MPDZ: variants seen among roughly 807,000 people sequenced by gnomAD.
The protein encoded by MPDZ is multiple PDZ domain crumbs cell polarity complex component.
In MPDZ, 234 loss-of-function variants were observed where a neutral mutation model predicts 239.1. The ratio of observed to expected loss-of-function variants is 0.98; its 90% CI spans 0.88 to 1.09. The LOEUF is 1.09. Ranked by LOEUF, MPDZ falls within the 50% of genes least tolerant of loss-of-function variation. MPDZ has a pLI of 0.00. For synonymous variants in MPDZ, 1,048 were observed against 881.3 expected, an observed-to-expected ratio of 1.19 and a Z score of -3.35; for missense variants, 3,175 against 2,510.0, an observed-to-expected ratio of 1.26 and a Z score of -5.66.
intron 32 of MPDZ, among the ~76,000 whole-genome samples, chr9:13,130,604 G>C (rs546905269): frequency 2.0e-5 from 3 of 152,304 alleles, no homozygotes; most frequent in South Asian, 2.1e-4. Context: ...ACATGGTTAA[G>C]TGACAAATAA....
chr9:13,111,875 C>T, intron 43 of MPDZ, 149 bp downstream of exon 43: 1 of 628,370 alleles, frequency 1.6e-6, no homozygotes, highest in African/African-American at 1.9e-5. Flanking sequence ...TCTTTTATTC[C>T]AAGCAAGCCT....
At position 13,126,559 on chromosome 9, in the gene MPDZ, A is replaced by C. The variant is rs1945147275; in HGVS notation, c.4589T>G (p.Leu1530Arg). 4 of 1,588,298 alleles carry C rather than the reference A, an allele frequency of 2.5e-6. No individual in the cohort carries two copies. Among genetic ancestry groups the C allele is most frequent in the Non-Finnish European group, 2.6e-6 (3 of 1,166,042 alleles). Residue 1530 changes from leucine (L) to arginine (R), a missense_variant, in exon 34 of 47, where the codon CTG (leucine) becomes CGG (arginine). Coordinates refer to ENST00000319217, the MANE Select transcript of MPDZ (RefSeq NM_001378778.1). ...AACAACAATTTCATCATCTACAGCC[A>C]GTATCTGATCTCCGACTTTGAGTCG... is the stretch of plus-strand genomic sequence containing the variant. ...DGRLKVGDQI[L>R]AVDDEIVVGY... is the part of the protein sequence containing the mutation.
chr9:13,248,224 T>C (rs376280163), intron 2 of MPDZ, among the ~76,000 whole-genome samples: 11 of 141,400 alleles, frequency 7.8e-5, no homozygotes, highest in East Asian at 4.2e-4. Flanking sequence ...TGAGACTCCA[T>C]CTCAAAAAAA....
chr9:13,193,836 A>T (rs912189901), intron 13 of MPDZ, among the ~76,000 whole-genome samples: 9 of 152,206 alleles, frequency 5.9e-5, no homozygotes, highest in Non-Finnish European at 1.5e-5. Flanking sequence ...AATCCAATAA[A>T]TAAAATATTA....
intron 1 of MPDZ, among the ~76,000 whole-genome samples, chr9:13,257,881 A>G (rs939252294): frequency 2.0e-5 from 3 of 152,168 alleles, no homozygotes; most frequent in African/African-American, 7.2e-5. Context: ...TGAAATTCAA[A>G]CTTAACTTGG....
At chr9:13,227,493 C>G (rs1587952770) in intron 3 of MPDZ, among the ~76,000 whole-genome samples, 1 of 151,878 alleles carries the variant, frequency 6.6e-6, no homozygotes, top group East Asian at 1.9e-4. Context: ...ATCCCACACA[C>G]CAAGACCTAA....
rs531655843 is a variant in MPDZ, at chr9:13,153,458, T to C, written c.3453-2770A>G. ...CTATTTTTGTTTGTTTTTGTTTTTG[T>C]TTTGAGACAGGGTCTCATTCTGCAG... On this transcript the variant is annotated intron_variant, in intron 24 of 46. Coordinates refer to ENST00000319217, the MANE Select transcript of MPDZ (RefSeq NM_001378778.1). 6.6e-5 allele frequency among the ~76,000 whole-genome samples: 10 copies of C among 152,268 alleles called. No homozygotes were observed. The South Asian group carries it at 2.1e-3, about 32-fold the overall frequency.
chr9:13,133,835 C>A lies in MPDZ; in HGVS notation c.4453G>T (p.Glu1485Ter). 6.2e-7 allele frequency: 1 copy of A among 1,600,952 alleles called. No homozygotes were observed. Among genetic ancestry groups the A allele is most frequent in the Non-Finnish European group, 8.5e-7 (1 of 1,170,366 alleles). ...CAAAGCAGATTTACCTTGGGAAGCTCCAGATGTTGCACATTTTTAAATGAA... is the reference window on the plus strand; with the variant it reads ...CAAAGCAGATTTACCTTGGGAAGCTACAGATGTTGCACATTTTTAAATGAA... ...LSSFKNVQHL[E>*]LPKDQGGLGI... Residue 1485 changes from glutamate (E) to a stop codon, truncating the protein, a stop_gained, in exon 32 of 47, where the codon GAG (glutamate) becomes TAG (stop). Transcript: ENST00000319217. LOFTEE classifies it high-confidence loss of function.
chr9:13,163,905 C>T (rs915120986), intron 22 of MPDZ, among the ~76,000 whole-genome samples: 1 of 152,160 alleles, frequency 6.6e-6, no homozygotes, highest in Non-Finnish European at 1.5e-5. Flanking sequence ...AGCATTCACT[C>T]TTTCACTTCA....
At chr9:13,252,218 A>T (rs1471398354) in intron 1 of MPDZ, among the ~76,000 whole-genome samples, 1 of 152,174 alleles carries the variant, frequency 6.6e-6, no homozygotes, top group Non-Finnish European at 1.5e-5. Context: ...ACTCCTTCAC[A>T]AAACAGCCTA....
At chr9:13,226,353 G>C (rs1309051674) in intron 3 of MPDZ, among the ~76,000 whole-genome samples, 1 of 152,018 alleles carries the variant, frequency 6.6e-6, no homozygotes, top group African/African-American at 2.4e-5. Context: ...TTTATGTTGG[G>C]TGCCTGGATT....
rs760728237 is a variant in MPDZ, at chr9:13,150,669, G to C, written c.3472C>G (p.Pro1158Ala). The C allele has an allele frequency of 3.5e-6, 5 of 1,408,890 alleles. No homozygotes were observed. The South Asian group carries it at 1.0e-4, about 28-fold the overall frequency. The allele number at this position is 1,408,890 out of a possible 1,614,324, so 87.3% of individuals were successfully genotyped here. A position where few individuals can be genotyped will look rare whatever the true frequency, so the allele number is the denominator to read the frequency against. Residue 1158 changes from proline (P) to alanine (A), a missense_variant, in exon 25 of 47, where the codon CCA (proline) becomes GCA (alanine). By Grantham distance (27) the Pro-to-Ala change is conservative. Transcript: ENST00000319217. ...ATGCTGATGCCTAAGGATTTGCTTG[G>C]TTCTCTCCAGAGTTCCACCCTAAAA... The part of the protein sequence containing the change: ...QPRRVELWRE[P>A]SKSLGISIVG...
At chr9:13,219,880 G>C in intron 7 of MPDZ, 112 bp from the exon 8 acceptor site, 2 of 1,014,698 alleles carry the variant, frequency 2.0e-6, no homozygotes, top group Middle Eastern at 2.1e-4. Context: ...TTACCAATCA[G>C]GACATAAAAT....
Position 13,110,005 on chromosome 9 carries a change from G to A in MPDZ, c.5889C>T (p.Ser1963=), listed in dbSNP as rs1942169270. 1.9e-6 allele frequency: 3 copies of A among 1,613,380 alleles called. No homozygotes were observed. Among genetic ancestry groups the A allele is most frequent in the South Asian group, 2.2e-5 (2 of 90,982 alleles). Residue 1963 remains serine, a synonymous_variant, in exon 45 of 47, where the codon TCC becomes TCT. Coordinates refer to ENST00000319217, the MANE Select transcript of MPDZ (RefSeq NM_001378778.1). ...VTGHQQEPAS[S]SLSFTGLTSS... ...ACGTCAGCCCAGTGAAAGAAAGACT[G>A]GAACTTGCAGGCTCCTGCTGATGAC...
intron 37 of MPDZ, 25 bp from the exon 38 acceptor site, chr9:13,121,957 G>T: frequency 1.2e-6 from 2 of 1,607,238 alleles, no homozygotes; most frequent in Non-Finnish European, 1.7e-6. Flanking sequence ...GACACTGACT[G>T]TAAGGAACAT....
At chr9:13,121,482 G>A (rs537048848) in intron 38 of MPDZ, among the ~76,000 whole-genome samples, 31 of 152,226 alleles carry the variant, frequency 2.0e-4, no homozygotes, top group African/African-American at 6.3e-4. Context: ...AAAACTTAAC[G>A]TATTTCCTAG....
chr9:13,176,401 G>T lies in MPDZ; in HGVS notation c.2666C>A (p.Ser889Tyr). The T allele has an allele frequency of 6.4e-7, 1 of 1,568,690 alleles. No individual in the cohort carries two copies. The highest frequency in any genetic ancestry group is 8.6e-7 in the Non-Finnish European group (1 of 1,156,648). ...SSPPKDVIEN[S>Y]CDPVLDLHMS... ...ATGCAGATCAAGTACTGGATCACAA[G>T]AATTTTCAATAACATCCTGGTAGTT... Residue 889 changes from serine (S) to tyrosine (Y), a missense_variant, in exon 20 of 47, where the codon TCT becomes TAT. Coordinates refer to ENST00000319217, the MANE Select transcript of MPDZ (RefSeq NM_001378778.1).
chr9:13,224,185 C>A (rs1318727421), intron 4 of MPDZ, among the ~76,000 whole-genome samples, 189 bp downstream of exon 4: 1 of 151,998 alleles, frequency 6.6e-6, no homozygotes, highest in Non-Finnish European at 1.5e-5. Flanking sequence ...ATATAATACT[C>A]AAATTTAAAT....
chr9:13,124,414 A>G (rs937001602), intron 35 of MPDZ, among the ~76,000 whole-genome samples: 1 of 152,240 alleles, frequency 6.6e-6, no homozygotes, highest in African/African-American at 2.4e-5. Context: ...AAAACTGTTA[A>G]AAGAACAGTT....
Sources: allele counts gnomAD v4.1 joint callset (sites outside exome capture counted in the v4.1 genomes callset), GRCh38; gene constraint gnomAD v4.1.1; transcripts MANE v1.5; gene names NCBI Gene and HGNC (gene_info 2026-07-23, HGNC 2026-07-21).